The following SH3BGR variants were observed in gnomAD, a reference collection of about 807,000 sequenced individuals.
SH3BGR encodes the protein SH3 domain binding glutamate rich protein, also known as SH3 domain-binding glutamic acid-rich protein.
In SH3BGR, 29 loss-of-function variants were observed where a neutral mutation model predicts 24.5. The observed-to-expected ratio is 1.18, with a 90% CI of 0.88 to 1.61. The LOEUF (loss-of-function observed/expected upper bound fraction) is 1.61, where lower values mean the gene tolerates loss of function less well. Ranked by LOEUF, SH3BGR falls within the 40% of genes most tolerant of loss-of-function variation. The probability of loss-of-function intolerance (pLI) is 0.00; values close to 1 mark genes in which losing one functional copy is unlikely to be tolerated. For synonymous variants in SH3BGR, 55 were observed against 65.7 expected, an observed-to-expected ratio of 0.84 and a Z score of 0.79; for missense variants, 162 against 205.8, an observed-to-expected ratio of 0.79 and a Z score of 1.30.
intron 4 of SH3BGR, among the ~76,000 whole-genome samples, chr21:39,504,955 G>T (rs941163060): frequency 1.3e-5 from 2 of 152,120 alleles, no homozygotes; most frequent in African/African-American, 2.4e-5. Flanking sequence ...TGGGACTATA[G>T]GCACAGGCCA....
intron 3 of SH3BGR, among the ~76,000 whole-genome samples, chr21:39,492,186 C>G (rs1484458262): frequency 6.6e-6 from 1 of 152,064 alleles, no homozygotes; most frequent in Non-Finnish European, 1.5e-5. Flanking sequence ...ATCACCCAAG[C>G]AGTGTACACT....
chr21:39,480,690 A>T (rs1158124720), intron 3 of SH3BGR, among the ~76,000 whole-genome samples: 2 of 152,174 alleles, frequency 1.3e-5, no homozygotes, highest in Non-Finnish European at 2.9e-5. Context: ...GATTTCCAAT[A>T]CTTCTACAGT....
At position 39,515,216 on chromosome 21, in the gene SH3BGR, A is replaced by C; in HGVS notation, c.*163A>C. On this transcript the variant is annotated 3_prime_UTR_variant, in exon 7 of 7. Transcript: ENST00000333634. Reference sequence around the variant, plus strand: ...TGCTGCCTGACCTGGTTAGATGTACATGGAGGTATCTCCCGAATCATACAA... The same window carrying C: ...TGCTGCCTGACCTGGTTAGATGTACCTGGAGGTATCTCCCGAATCATACAA... 2.3e-6 allele frequency: 1 copy of C among 441,642 alleles called. No homozygotes were observed. Among genetic ancestry groups the C allele is most frequent in the South Asian group, 1.7e-5 (1 of 57,158 alleles). 27.4% of individuals were successfully genotyped at this position (441,642 alleles called of 1,614,324 possible). A position where few individuals can be genotyped will look rare whatever the true frequency, so the allele number is the denominator to read the frequency against.
intron 3 of SH3BGR, among the ~76,000 whole-genome samples, chr21:39,492,782 C>G (rs538058557): frequency 1.2e-4 from 18 of 152,118 alleles, no homozygotes; most frequent in African/African-American, 4.3e-4. Flanking sequence ...CACGCCAACA[C>G]CTATATTTTT....
chr21:39,446,579 T>G (rs1278633773), intron 1 of SH3BGR, among the ~76,000 whole-genome samples: 1 of 152,210 alleles, frequency 6.6e-6, no homozygotes, highest in African/African-American at 2.4e-5. Flanking sequence ...TCTTAAAATT[T>G]TTTTGCCCAT....
chr21:39,503,419 A>T (rs1199596943), intron 4 of SH3BGR, among the ~76,000 whole-genome samples: 1 of 141,268 alleles, frequency 7.1e-6, no homozygotes, highest in African/African-American at 2.7e-5. Flanking sequence ...CCTTTTTTTT[A>T]AAAAAACCTG....
chr21:39,504,074 G>A (rs926203370), intron 4 of SH3BGR, among the ~76,000 whole-genome samples: 28 of 152,206 alleles, frequency 1.8e-4, no homozygotes, highest in Non-Finnish European at 3.4e-4. Flanking sequence ...ATTGCACCTT[G>A]TGCAGGTTTG....
intron 2 of SH3BGR, among the ~76,000 whole-genome samples, chr21:39,464,038 T>TAAAAC: frequency 6.6e-6 from 1 of 152,184 alleles, no homozygotes; most frequent in South Asian, 2.1e-4. Context: ...TGCCACCGGT[T>TAAAAC]CTTAGCACTC....
At chr21:39,497,408 A>G (rs1256113008) in intron 3 of SH3BGR, among the ~76,000 whole-genome samples, 1 of 151,824 alleles carries the variant, frequency 6.6e-6, no homozygotes, top group Non-Finnish European at 1.5e-5. Flanking sequence ...ATTAATAACA[A>G]TATAAAGTAA....
At chr21:39,498,804 T>C (rs2078441426) in intron 3 of SH3BGR, among the ~76,000 whole-genome samples, 1 of 152,204 alleles carries the variant, frequency 6.6e-6, no homozygotes, top group Non-Finnish European at 1.5e-5. Context: ...TATTATCTAT[T>C]CATCTGTCTA....
At chr21:39,450,342 G>A (rs1429476548), upstream of SH3BGR, among the ~76,000 whole-genome samples, 2 of 152,196 alleles carry the variant, frequency 1.3e-5, no homozygotes, top group African/African-American at 4.8e-5. Flanking sequence ...GAAGCCAAAA[G>A]TTAAATGTTG....
chr21:39,467,769 G>A (rs1315649240), intron 2 of SH3BGR, among the ~76,000 whole-genome samples: 1 of 152,204 alleles, frequency 6.6e-6, no homozygotes, highest in East Asian at 1.9e-4. Flanking sequence ...GAGGCAAGCA[G>A]TAGATTTCAT....
At chr21:39,475,308 T>A in intron 3 of SH3BGR, 93 bp downstream of exon 3, 1 of 767,548 alleles carries the variant, frequency 1.3e-6, no homozygotes, top group South Asian at 1.5e-5. Flanking sequence ...TACATGATGA[T>A]CTCTAAATTA....
At chr21:39,452,674 A>G (rs750085638) in intron 1 of SH3BGR, among the ~76,000 whole-genome samples, 3 of 152,218 alleles carry the variant, frequency 2.0e-5, no homozygotes, top group East Asian at 1.9e-4. Flanking sequence ...ACCAGAGCAG[A>G]CATCTCTCAG....
chr21:39,495,478 GTC>G (rs2078377424), intron 3 of SH3BGR, among the ~76,000 whole-genome samples: 1 of 146,188 alleles, frequency 6.8e-6, no homozygotes, highest in Admixed American at 6.7e-5. Context: ...GAGGGTAAAA[GTC>G]TCTTTTTTTT....
At chr21:39,512,635 G>A (rs1462301323) in intron 6 of SH3BGR, among the ~76,000 whole-genome samples, 2 of 152,078 alleles carry the variant, frequency 1.3e-5, no homozygotes, top group East Asian at 3.9e-4. Flanking sequence ...CTAAAGACAT[G>A]AAGTGCATTA....
At chr21:39,470,510 C>T (rs767678462) in intron 2 of SH3BGR, among the ~76,000 whole-genome samples, 1 of 152,184 alleles carries the variant, frequency 6.6e-6, no homozygotes, top group African/African-American at 2.4e-5. Flanking sequence ...GATCCGCCCA[C>T]CTTGGCCTCC....
At chr21:39,469,033 A>G (rs2123353295) in intron 2 of SH3BGR, among the ~76,000 whole-genome samples, 1 of 145,210 alleles carries the variant, frequency 6.9e-6, no homozygotes, top group Non-Finnish European at 1.5e-5. Flanking sequence ...TTTTTGAATC[A>G]GGGTCTTTGT....
chr21:39,469,060 A>AGTG (rs1237184676), intron 2 of SH3BGR, among the ~76,000 whole-genome samples: 5 of 146,552 alleles, frequency 3.4e-5, no homozygotes, highest in Admixed American at 2.8e-4. Context: ...CCCAGGCTGG[A>AGTG]GTGCAGTGGT....
Sources: gnomAD v4.1 joint callset for allele counts (sites outside exome capture counted in the v4.1 genomes callset) on GRCh38, gnomAD v4.1.1 for gene constraint, MANE v1.5 for transcripts, NCBI Gene and HGNC (gene_info 2026-07-23, HGNC 2026-07-21) for gene names.